The following CNTN6 variants were observed in gnomAD, a reference collection of about 807,000 sequenced individuals.
CNTN6 encodes contactin-6.
In CNTN6, 137 loss-of-function variants were observed where a neutral mutation model predicts 122.8. The ratio of observed to expected loss-of-function variants is 1.12; its 90% CI spans 0.97 to 1.29. The LOEUF (loss-of-function observed/expected upper bound fraction) is 1.29, where lower values mean the gene tolerates loss of function less well. CNTN6 is among the 50% of genes most tolerant of loss of function. The pLI is 0.00. For synonymous variants in CNTN6, 570 were observed against 426.0 expected, an observed-to-expected ratio of 1.34 and a Z score of -4.16; for missense variants, 1,634 against 1,223.4, an observed-to-expected ratio of 1.34 and a Z score of -5.01.
chr3:1,118,715 C>G (rs777310125), intron 1 of CNTN6, among the ~76,000 whole-genome samples: 15 of 152,030 alleles, frequency 9.9e-5, no homozygotes, highest in Non-Finnish European at 2.1e-4. Flanking sequence ...ATAGTCATGT[C>G]TCTCTAATTC....
At chr3:1,310,904 A>C (rs927471589) in intron 7 of CNTN6, among the ~76,000 whole-genome samples, 2 of 151,962 alleles carry the variant, frequency 1.3e-5, no homozygotes, top group Non-Finnish European at 2.9e-5. Context: ...AGGTGGCTGA[A>C]GCAGGAGAAT....
chr3:1,147,677 A>C (rs570257049), intron 1 of CNTN6, among the ~76,000 whole-genome samples: 10 of 152,170 alleles, frequency 6.6e-5, no homozygotes, highest in Admixed American at 2.0e-4. Context: ...CACAATATTA[A>C]TTTTTCTCTT....
At chr3:1,158,842 A>G (rs1308519795) in intron 2 of CNTN6, among the ~76,000 whole-genome samples, 14,519 of 73,358 alleles carry the variant, frequency 0.2, 1,386 homozygotes, top group African/African-American at 0.41. Context: ...ACACACACAT[A>G]TATATACATA....
At chr3:1,306,577 A>C (rs1433753108) in intron 7 of CNTN6, among the ~76,000 whole-genome samples, 2 of 152,158 alleles carry the variant, frequency 1.3e-5, no homozygotes, top group Non-Finnish European at 2.9e-5. Flanking sequence ...TTGGAGTCTT[A>C]ACTTCACTTG....
intron 4 of CNTN6, among the ~76,000 whole-genome samples, chr3:1,249,185 G>C (rs569895138): frequency 6.6e-6 from 1 of 152,244 alleles, no homozygotes; most frequent in East Asian, 1.9e-4. Flanking sequence ...CAAGGTGATA[G>C]AAGGAATAGC....
At chr3:1,301,085 G>A (rs1697319522) in intron 7 of CNTN6, among the ~76,000 whole-genome samples, 1 of 126,938 alleles carries the variant, frequency 7.9e-6, no homozygotes, top group Non-Finnish European at 1.6e-5. Flanking sequence ...CGCCCAGGCT[G>A]GAGTGCAATG....
rs2125138589 is a variant in CNTN6 at position 1,141,313 on chromosome 3, T to C, written c.-82-6614T>C. On this transcript the variant is annotated intron_variant, in intron 1 of 22. Transcript: ENST00000446702. ...TGATGATGAACATGGCAACTGAAAA[T>C]GGATCTTGATCTTCACTATGAAATC... is the stretch of plus-strand genomic sequence containing the variant. 1.3e-5 allele frequency among the ~76,000 whole-genome samples: 2 copies of C among 152,246 alleles called. 1 individual carries two copies. The highest frequency in any genetic ancestry group is 3.9e-4 in the East Asian group (2 of 5,178).
At chr3:1,114,542 T>A (rs2091627622) in intron 1 of CNTN6, among the ~76,000 whole-genome samples, 1 of 152,210 alleles carries the variant, frequency 6.6e-6, no homozygotes, top group African/African-American at 2.4e-5. Flanking sequence ...ATTTTCTTTC[T>A]CAAGGGGATC....
chr3:1,232,504 T>G (rs2094364959), intron 4 of CNTN6, among the ~76,000 whole-genome samples: 1 of 152,222 alleles, frequency 6.6e-6, no homozygotes, highest in South Asian at 2.1e-4. Flanking sequence ...TACAAAGTAT[T>G]ATGTGGCAGG....
At chr3:1,242,413 T>C (rs1263156831) in intron 4 of CNTN6, among the ~76,000 whole-genome samples, 3 of 152,096 alleles carry the variant, frequency 2.0e-5, no homozygotes, top group Non-Finnish European at 4.4e-5. Flanking sequence ...CCTGAACTAA[T>C]CTGTAAGACT....
chr3:1,374,801 T>C (rs1481686804), intron 16 of CNTN6, among the ~76,000 whole-genome samples: 1 of 152,074 alleles, frequency 6.6e-6, no homozygotes, highest in East Asian at 1.9e-4. Flanking sequence ...AATTACCTTA[T>C]TAAAGTGTGC....
At chr3:1,344,310 T>C (rs1040900965) in intron 11 of CNTN6, among the ~76,000 whole-genome samples, 1 of 152,152 alleles carries the variant, frequency 6.6e-6, no homozygotes, top group South Asian at 2.1e-4. Flanking sequence ...CATTGGTAGC[T>C]TGACATCGTA....
At chr3:1,160,306 C>G (rs886414448) in intron 2 of CNTN6, among the ~76,000 whole-genome samples, 1 of 139,100 alleles carries the variant, frequency 7.2e-6, no homozygotes, top group African/African-American at 2.7e-5. Flanking sequence ...AGAAGGGTAG[C>G]CATTATCTGA....
Position 1,162,563 on chromosome 3 carries a change from A to G in CNTN6, c.55+14500A>G, listed in dbSNP as rs538798943. 4.6e-5 allele frequency among the ~76,000 whole-genome samples: 7 copies of G among 152,330 alleles called. No individual in the cohort carries two copies. The South Asian group carries it at 1.2e-3, about 27-fold the overall frequency. ...TCTTTCTGTAACATTGCTAAACTGA[A>G]TCTGAGGCCAGGGCTTTAACTTGAT... On this transcript the variant is annotated intron_variant, in intron 2 of 22. Transcript: ENST00000446702.
At chr3:1,170,085 A>C (rs2093332099) in intron 2 of CNTN6, among the ~76,000 whole-genome samples, 1 of 151,906 alleles carries the variant, frequency 6.6e-6, no homozygotes, top group Admixed American at 6.6e-5. Flanking sequence ...AAATACAAAA[A>C]AATTAGCCGG....
intron 4 of CNTN6, among the ~76,000 whole-genome samples, chr3:1,238,853 T>A (rs897204205): frequency 2.0e-5 from 3 of 152,030 alleles, no homozygotes; most frequent in Admixed American, 6.6e-5. Flanking sequence ...AACAAAAAGC[T>A]GCCTCTTTGA....
intron 11 of CNTN6, among the ~76,000 whole-genome samples, chr3:1,350,769 G>A (rs17038106): frequency 0.021 from 3,166 of 151,512 alleles, 127 homozygotes; most frequent in African/African-American, 0.072. Flanking sequence ...GTTTTTTATT[G>A]GCCAATAGTT....
intron 12 of CNTN6, 51 bp downstream of exon 12, chr3:1,352,502 A>G (rs368862119): frequency 6.3e-7 from 1 of 1,598,998 alleles, no homozygotes; most frequent in African/African-American, 1.3e-5. Flanking sequence ...ATATGCAGGC[A>G]TATTATGACT....
chr3:1,401,547 T>G lies in CNTN6; in HGVS notation c.2817+2T>G. 6.2e-7 allele frequency: 1 copy of G among 1,601,154 alleles called. No individual in the cohort carries two copies. ...GAGTCTGAAGTTTTGGGGTACAAGG[T>G]GAGTTTTTAGTTTTTCCTTTAATCA... On this transcript the variant is annotated splice_donor_variant, in intron 21 of 22. Transcript: ENST00000446702. LOFTEE classifies it high-confidence loss of function.
Sources: gnomAD v4.1 joint callset for allele counts (sites outside exome capture counted in the v4.1 genomes callset) on GRCh38, gnomAD v4.1.1 for gene constraint, MANE v1.5 for transcripts, NCBI Gene and HGNC (gene_info 2026-07-23, HGNC 2026-07-21) for gene names.